WDR25: variants seen among roughly 807,000 people sequenced by gnomAD.
The protein encoded by WDR25 is WD repeat-containing protein 25.
WDR25 carries 35 observed loss-of-function variants against 47.7 expected under a neutral mutation model. The ratio of observed to expected loss-of-function variants is 0.73; its 90% CI spans 0.56 to 0.97. The LOEUF (loss-of-function observed/expected upper bound fraction) is 0.97, where lower values mean the gene tolerates loss of function less well. Among genes scored for constraint, WDR25 ranks in the 50% least tolerant of loss-of-function variants. The pLI is 0.00. For missense variants in WDR25, 634 were observed against 704.7 expected (o/e 0.90, Z 1.14); for synonymous variants, 248 against 278.9 (o/e 0.89, Z 1.10).
At chr14:100,481,100 G>A (rs1393163790) in intron 3 of WDR25, 10 of 25,826 alleles carry the variant, frequency 3.9e-4, no homozygotes, top group Non-Finnish European at 5.6e-4. Context: ...AGACAAAAAA[G>A]TGCAAAAAAA....
At chr14:100,491,136 G>A (rs763293739) in intron 4 of WDR25, among the ~76,000 whole-genome samples, 2 of 152,160 alleles carry the variant, frequency 1.3e-5, no homozygotes, top group Non-Finnish European at 2.9e-5. Flanking sequence ...CAGGCATCAC[G>A]CTGTGCACGC....
At chr14:100,486,781 A>G (rs2140325086) in intron 4 of WDR25, among the ~76,000 whole-genome samples, 1 of 152,338 alleles carries the variant, frequency 6.6e-6, no homozygotes, top group East Asian at 1.9e-4. Flanking sequence ...CGCGGTGGGA[A>G]TCGCAGGTGT....
intron 3 of WDR25, among the ~76,000 whole-genome samples, chr14:100,480,251 G>A (rs1471265650): frequency 1.3e-5 from 2 of 152,190 alleles, no homozygotes; most frequent in Non-Finnish European, 2.9e-5. Flanking sequence ...CATACGGGTT[G>A]GATGGCCTAA....
intron 5 of WDR25, among the ~76,000 whole-genome samples, chr14:100,526,340 C>T (rs1240760446): frequency 2.0e-5 from 3 of 152,178 alleles, no homozygotes; most frequent in Admixed American, 2.0e-4. Flanking sequence ...TGAGAAACCC[C>T]ACCCTCCCAC....
chr14:100,487,530 A>C (rs1248308614), intron 4 of WDR25: 1 of 152,234 alleles, frequency 6.6e-6, no homozygotes, highest in Non-Finnish European at 1.5e-5. Flanking sequence ...GATCTGGCTG[A>C]CCTTGGTAAA....
intron 3 of WDR25, among the ~76,000 whole-genome samples, chr14:100,473,107 A>G (rs1460098579): frequency 1.3e-5 from 2 of 152,232 alleles, no homozygotes; most frequent in African/African-American, 2.4e-5. Flanking sequence ...TTCCATTCAC[A>G]GAAATGCTAC....
At chr14:100,401,483 C>A (rs977267104) in intron 2 of WDR25, among the ~76,000 whole-genome samples, 1 of 152,146 alleles carries the variant, frequency 6.6e-6, no homozygotes, top group Non-Finnish European at 1.5e-5. Flanking sequence ...CTGCCCATGT[C>A]CCCAGGAGGC....
At position 100,468,306 on chromosome 14, in the gene WDR25, G is replaced by A; in HGVS notation, c.970+138G>A. 1 of 1,298,298 alleles carries A rather than the reference G, an allele frequency of 7.7e-7. No individual in the cohort carries two copies. The highest frequency in any genetic ancestry group is 1.0e-6 in the Non-Finnish European group (1 of 959,536). 80.4% of individuals were successfully genotyped at this position (1,298,298 alleles called of 1,614,324 possible). A position where few individuals can be genotyped will look rare whatever the true frequency, so the allele number is the denominator to read the frequency against. ...GGGCCTCAGGGTGGGCTCGTGCTCG[G>A]TGAGAGGGCTTCCAGACTGCTTGCC... On this transcript the variant is annotated intron_variant, in intron 3 of 6. Coordinates refer to ENST00000402312, the MANE Select transcript of WDR25 (RefSeq NM_001161476.3). This position sits in a 1 kb window ranked among gnomAD's most constrained non-coding sequence, Gnocchi z 4.5.
intron 4 of WDR25, among the ~76,000 whole-genome samples, chr14:100,518,222 T>C (rs191319551): frequency 6.6e-6 from 1 of 152,348 alleles, no homozygotes; most frequent in African/African-American, 2.4e-5. Flanking sequence ...CTTCATTTCC[T>C]CTTTATTCCT....
In WDR25 at chr14:100,529,340, G is replaced by T. The variant is rs746564480; in HGVS notation, c.1413+132G>T. ...CCTGCTTTCTGTTTCCTGGGTGAGC[G>T]CATGCCATGTGGCTCACTGTCTCTT... On this transcript the variant is annotated intron_variant, in intron 6 of 6. Coordinates refer to ENST00000402312, the MANE Select transcript of WDR25 (RefSeq NM_001161476.3). The surrounding 1 kb of genome is among the most constrained non-coding windows in gnomAD (Gnocchi z 5.1). 7.3e-7 allele frequency: 1 copy of T among 1,363,990 alleles called. No homozygotes were observed. Among genetic ancestry groups the T allele is most frequent in the Admixed American group, 2.1e-5 (1 of 48,240 alleles). The allele number at this position is 1,363,990 out of a possible 1,614,324, so 84.5% of individuals were successfully genotyped here. A position where few individuals can be genotyped will look rare whatever the true frequency, so the allele number is the denominator to read the frequency against.
intron 2 of WDR25, among the ~76,000 whole-genome samples, chr14:100,458,019 A>T (rs1899261406): frequency 6.6e-6 from 1 of 152,370 alleles, no homozygotes; most frequent in South Asian, 2.1e-4. Flanking sequence ...CAAGGAACAG[A>T]TGGGATAAAA....
intron 2 of WDR25, among the ~76,000 whole-genome samples, chr14:100,432,864 A>G (rs1181691464): frequency 1.3e-5 from 2 of 152,248 alleles, no homozygotes; most frequent in African/African-American, 2.4e-5. Context: ...CCTAGATGGT[A>G]CAGCCTACTA....
chr14:100,400,111 A>G (rs1486278474), intron 2 of WDR25, among the ~76,000 whole-genome samples: 2 of 152,214 alleles, frequency 1.3e-5, no homozygotes, highest in Middle Eastern at 6.3e-3. Flanking sequence ...TTTCTGAGAC[A>G]TGGGGTCAGG....
Position 100,424,581 on chromosome 14 carries a change from C to G in WDR25, c.822+42835C>G, listed in dbSNP as rs1196556189. ...CAAGGGGTTTAACTGCCTGTGGAGTCTGGGGCCCAGGGCCCTGCTGCCTGT... is the reference window on the plus strand; with the variant it reads ...CAAGGGGTTTAACTGCCTGTGGAGTGTGGGGCCCAGGGCCCTGCTGCCTGT... On this transcript the variant is annotated intron_variant, in intron 2 of 6. Transcript: ENST00000402312. The surrounding 1 kb of genome is among the most constrained non-coding windows in gnomAD (Gnocchi z 4.2). 1.3e-5 allele frequency among the ~76,000 whole-genome samples: 2 copies of G among 152,188 alleles called. No individual in the cohort carries two copies. The highest frequency in any genetic ancestry group is 2.9e-5 in the Non-Finnish European group (2 of 68,026).
intron 2 of WDR25, among the ~76,000 whole-genome samples, chr14:100,450,239 G>T (rs1311128624): frequency 1.3e-5 from 2 of 152,126 alleles, no homozygotes; most frequent in African/African-American, 4.8e-5. Flanking sequence ...TTCACATAGG[G>T]CTCCAGCCAC....
At chr14:100,421,133 T>C (rs1898015051) in intron 2 of WDR25, among the ~76,000 whole-genome samples, 1 of 152,194 alleles carries the variant, frequency 6.6e-6, no homozygotes, top group Admixed American at 6.5e-5. Flanking sequence ...TTTAACAGTG[T>C]CCAGACAGAG....
At chr14:100,510,202 G>A (rs1264570888) in intron 4 of WDR25, among the ~76,000 whole-genome samples, 1 of 151,832 alleles carries the variant, frequency 6.6e-6, no homozygotes, top group Non-Finnish European at 1.5e-5. Context: ...CCCGGGAGGC[G>A]GAGGTTGCAG....
chr14:100,410,855 T>C (rs1473152720), intron 2 of WDR25, among the ~76,000 whole-genome samples: 1 of 150,918 alleles, frequency 6.6e-6, no homozygotes, highest in Non-Finnish European at 1.5e-5. Flanking sequence ...CAATCATGGC[T>C]CACTGCAGTC....
chr14:100,440,373 G>A lies in WDR25; in HGVS notation c.823-27648G>A, dbSNP rs1020778670. 6.6e-6 allele frequency among the ~76,000 whole-genome samples: 1 copy of A among 152,340 alleles called. No homozygotes were observed. Among genetic ancestry groups the A allele is most frequent in the African/African-American group, 2.4e-5 (1 of 41,578 alleles). On this transcript the variant is annotated intron_variant, in intron 2 of 6. Transcript: ENST00000402312. This position sits in a 1 kb window ranked among gnomAD's most constrained non-coding sequence, Gnocchi z 4.4. ...CCTTCGGCCACGGCAGCGGGGTGGC[G>A]CCAGACACCTGGCTTTGAGTCCCGT...
Sources: allele counts gnomAD v4.1 joint callset (sites outside exome capture counted in the v4.1 genomes callset), GRCh38; gene constraint gnomAD v4.1.1; non-coding constraint Gnocchi (gnomAD v3.1); transcripts MANE v1.5; gene names NCBI Gene and HGNC (gene_info 2026-07-23, HGNC 2026-07-21).